Variants in MTFR2 observed in about 807,000 individuals in gnomAD.
MTFR2 encodes DUF729 domain-containing protein 1.
MTFR2 carries 44 observed loss-of-function variants against 41.2 expected under a neutral mutation model. The observed-to-expected ratio is 1.07, with a 90% CI of 0.84 to 1.37. MTFR2 has a LOEUF of 1.37. MTFR2 is among the 40% of genes most tolerant of loss of function. The pLI, the probability that MTFR2 is intolerant of heterozygous loss-of-function variation, is 0.00. For missense variants in MTFR2, 452 were observed against 459.5 expected, an observed-to-expected ratio of 0.98 and a Z score of 0.15; for synonymous variants, 141 against 154.6, an observed-to-expected ratio of 0.91 and a Z score of 0.65.
At chr6:136,244,893 T>C in intron 2 of MTFR2, 24 bp from the exon 3 acceptor site, 1 of 1,507,292 alleles carries the variant, frequency 6.6e-7, no homozygotes, top group Non-Finnish European at 9.1e-7. Context: ...AAAGTATGAA[T>C]TAAAATGCAC....
At chr6:136,232,531 G>A (rs1036240040) in intron 7 of MTFR2, among the ~76,000 whole-genome samples, 2 of 152,142 alleles carry the variant, frequency 1.3e-5, no homozygotes, top group African/African-American at 4.8e-5. Flanking sequence ...AAAGTGCTGG[G>A]ATGACCACGC....
chr6:136,239,954 G>A, intron 5 of MTFR2, 134 bp from the exon 6 acceptor site: 2 of 668,252 alleles, frequency 3.0e-6, no homozygotes, highest in Admixed American at 3.2e-5. Context: ...AGGAAAGAGT[G>A]TCAATCCCAT....
At chr6:136,248,909 T>C (rs1251756784) in intron 2 of MTFR2, 128 bp downstream of exon 2, 1 of 731,358 alleles carries the variant, frequency 1.4e-6, no homozygotes, top group East Asian at 2.9e-5. Context: ...TATTACAAAC[T>C]CACCTTTGTT....
intron 2 of MTFR2, among the ~76,000 whole-genome samples, chr6:136,245,703 G>C (rs1780195863): frequency 6.6e-6 from 1 of 152,210 alleles, no homozygotes; most frequent in Non-Finnish European, 1.5e-5. Flanking sequence ...TTTTGATTGT[G>C]ACCCATCATG....
At chr6:136,241,034 T>G (rs1188566120) in intron 5 of MTFR2, among the ~76,000 whole-genome samples, 1 of 145,700 alleles carries the variant, frequency 6.9e-6, no homozygotes, top group Admixed American at 7.1e-5. Context: ...GAGCTTGCAG[T>G]GAGCCAAGAT....
intron 5 of MTFR2, among the ~76,000 whole-genome samples, chr6:136,240,893 C>T (rs868246138): frequency 3.1e-4 from 47 of 152,246 alleles, no homozygotes; most frequent in South Asian, 4.2e-4. Context: ...AGATCGAGAC[C>T]ATCCTGGCTA....
chr6:136,248,521 G>A (rs1780278613), intron 2 of MTFR2, among the ~76,000 whole-genome samples: 1 of 152,138 alleles, frequency 6.6e-6, no homozygotes, highest in Non-Finnish European at 1.5e-5. Context: ...CTACTCATTT[G>A]CCTTCAGCAA....
At chr6:136,240,387 ATG>A (rs1464212503) in intron 5 of MTFR2, among the ~76,000 whole-genome samples, 1 of 151,506 alleles carries the variant, frequency 6.6e-6, no homozygotes, top group Non-Finnish European at 1.5e-5. Context: ...ATATTATATA[ATG>A]TGTTTATATG....
chr6:136,231,315 T>TG lies in MTFR2; in HGVS notation c.1117dup (p.Gln373ProfsTer18). 1 of 1,613,062 alleles carries TG rather than the reference T, an allele frequency of 6.2e-7. No individual in the cohort carries two copies. The highest frequency in any genetic ancestry group is 8.5e-7 in the Non-Finnish European group (1 of 1,179,672). On this transcript the variant is annotated frameshift_variant, in exon 8 of 8. Coordinates refer to ENST00000420702, the MANE Select transcript of MTFR2 (RefSeq NM_001099286.3). LOFTEE classifies it high-confidence loss of function. Reference sequence around the variant, plus strand: ...TAGAAGGCTTGTGTTGCTGATACCTTGGTCAACAGCTTTTGTGTTGACCAT... The same window carrying TG: ...TAGAAGGCTTGTGTTGCTGATACCTTGGGTCAACAGCTTTTGTGTTGACCAT...
At chr6:136,246,774 A>C (rs2128459493) in intron 2 of MTFR2, among the ~76,000 whole-genome samples, 1 of 152,290 alleles carries the variant, frequency 6.6e-6, no homozygotes, top group Non-Finnish European at 1.5e-5. Context: ...CACTACTGTA[A>C]TTACTCTTAG....
rs1202871093 is a variant in MTFR2, at chr6:136,239,612, A to G, written c.723T>C (p.Asn241=). The G allele has an allele frequency of 2.5e-6, 4 of 1,613,890 alleles. No homozygotes were observed. Among genetic ancestry groups the G allele is most frequent in the Non-Finnish European group, 3.4e-6 (4 of 1,179,996 alleles). ...TCTGTTTGCTCATTTCAGTTGCTGG[A>G]TTATCTGAGTCACAAATATTATTAG... ...PGSNNICDSD[N]PATEMSKQNP... The change falls in exon 6 of 8, where the codon AAT becomes AAC. Residue 241 remains asparagine (N), a synonymous_variant. Transcript: ENST00000420702.
chr6:136,249,495 CTT>C (rs893367903), intron 1 of MTFR2, among the ~76,000 whole-genome samples: 1 of 152,154 alleles, frequency 6.6e-6, no homozygotes, highest in Non-Finnish European at 1.5e-5. Context: ...GGCTGAGACT[CTT>C]AGCAGATGGG....
Position 136,233,452 on chromosome 6 carries a change from T to C in MTFR2, c.917A>G (p.His306Arg), listed in dbSNP as rs138889760. The C allele has an allele frequency of 1.9e-6, 3 of 1,591,098 alleles. No homozygotes were observed. Among genetic ancestry groups the C allele is most frequent in the Admixed American group, 1.7e-5 (1 of 59,418 alleles). ...PIHKRKRQNS[H>R]WDPVSLISHA... ...AGATATTAAAGAAACTGGATCCCAA[T>C]GTGAATTCTGTCTTTTCCTCTTATG... Residue 306 changes from histidine to arginine, a missense_variant, in exon 7 of 8, where the codon CAT becomes CGT. Coordinates refer to ENST00000420702, the MANE Select transcript of MTFR2 (RefSeq NM_001099286.3).
Position 136,231,327 on chromosome 6 carries a change from T to G in MTFR2, c.1106A>C (p.Lys369Thr). Residue 369 changes from lysine to threonine, a missense_variant, in exon 8 of 8, where the codon AAA becomes ACA. By Grantham distance (78) the Lys-to-Thr change is moderately conservative. Transcript: ENST00000420702. Reference sequence around the variant, plus strand: ...GTTGCTGATACCTTGGTCAACAGCTTTTGTGTTGACCATTTCTTCTTTAGT... The same window carrying G: ...GTTGCTGATACCTTGGTCAACAGCTGTTGTGTTGACCATTTCTTCTTTAGT... ...QRTKEEMVNT[K>T]AVDQGISNTS... 2 of 1,613,158 alleles carry G rather than the reference T, an allele frequency of 1.2e-6. No homozygotes were observed. Among genetic ancestry groups the G allele is most frequent in the Non-Finnish European group, 1.7e-6 (2 of 1,179,720 alleles).
intron 5 of MTFR2, among the ~76,000 whole-genome samples, chr6:136,240,837 A>G (rs368259317): frequency 2.1e-4 from 30 of 144,454 alleles, no homozygotes; most frequent in East Asian, 7.7e-4. Context: ...CACGCCTGTA[A>G]TCCCAGCACT....
chr6:136,241,792 T>C, intron 4 of MTFR2, 116 bp from the exon 5 acceptor site: 1 of 826,156 alleles, frequency 1.2e-6, no homozygotes, highest in South Asian at 1.9e-5. Flanking sequence ...TAAAAGCTAC[T>C]CTCAGGCCGG....
At chr6:136,233,117 T>G (rs191023414) in intron 7 of MTFR2, 1 of 415,450 alleles carries the variant, frequency 2.4e-6, no homozygotes, top group African/African-American at 2.0e-5. Flanking sequence ...TTAAGTATTT[T>G]ATTTCAAAAG....
intron 2 of MTFR2, among the ~76,000 whole-genome samples, chr6:136,245,709 T>C (rs1050024666): frequency 4.6e-5 from 7 of 152,198 alleles, no homozygotes; most frequent in African/African-American, 1.2e-4. Context: ...TTGTGACCCA[T>C]CATGTGAGGT....
At chr6:136,238,708 A>G (rs1366928277) in intron 6 of MTFR2, among the ~76,000 whole-genome samples, 12 of 145,650 alleles carry the variant, frequency 8.2e-5, no homozygotes. Context: ...ACACACACAC[A>G]TGGAACTCAG....
Sources: allele counts gnomAD v4.1 joint callset (sites outside exome capture counted in the v4.1 genomes callset), GRCh38; gene constraint gnomAD v4.1.1; transcripts MANE v1.5; gene names NCBI Gene and HGNC (gene_info 2026-07-23, HGNC 2026-07-21).